GRID1: variants seen among roughly 807,000 people sequenced by gnomAD.
The protein encoded by GRID1 is glutamate ionotropic receptor delta type subunit 1, also known as glutamate receptor ionotropic, delta-1.
In GRID1, 28 loss-of-function variants were observed where a neutral mutation model predicts 98.0. That is an observed-to-expected ratio of 0.29 (90% CI 0.21 to 0.39). GRID1 has a LOEUF of 0.39. GRID1 is among the 10% of genes least tolerant of loss of function. The probability of loss-of-function intolerance (pLI) is 1.00; values close to 1 mark genes in which losing one functional copy is unlikely to be tolerated. For synonymous variants in GRID1, 553 were observed against 538.5 expected (o/e 1.03, Z -0.37); for missense variants, 1,111 against 1,340.5 (o/e 0.83, Z 2.67).
intron 14 of GRID1, among the ~76,000 whole-genome samples, chr10:85,618,102 G>T (rs1199304582): frequency 6.6e-6 from 1 of 152,188 alleles, no homozygotes; most frequent in Admixed American, 6.5e-5. Flanking sequence ...ACTCCATTCA[G>T]CAGTCCAGCC....
chr10:85,620,602 C>A (rs760422452), intron 13 of GRID1, among the ~76,000 whole-genome samples: 1 of 152,158 alleles, frequency 6.6e-6, no homozygotes, highest in African/African-American at 2.4e-5. Context: ...ATGTCTAGAG[C>A]CCCCTGTGCA....
At chr10:85,990,094 A>C (rs1202300690) in intron 4 of GRID1, among the ~76,000 whole-genome samples, 1 of 152,220 alleles carries the variant, frequency 6.6e-6, no homozygotes, top group Non-Finnish European at 1.5e-5. Context: ...GTAGTATATG[A>C]GCCACCAAGT....
chr10:85,704,155 T>A (rs555791111), intron 12 of GRID1, among the ~76,000 whole-genome samples: 6 of 152,238 alleles, frequency 3.9e-5, no homozygotes, highest in Admixed American at 2.6e-4. Context: ...AATGCTCCAA[T>A]TAAAAGACAC....
chr10:86,060,329 A>G (rs1181169732), intron 4 of GRID1, among the ~76,000 whole-genome samples: 2 of 152,168 alleles, frequency 1.3e-5, no homozygotes, highest in Non-Finnish European at 2.9e-5. Context: ...AGCACTTTCT[A>G]TTAGGAGATG....
chr10:86,264,290 A>G (rs1847068829), intron 2 of GRID1, among the ~76,000 whole-genome samples: 1 of 151,928 alleles, frequency 6.6e-6, no homozygotes, highest in South Asian at 2.1e-4. Flanking sequence ...GTTCTTTCCT[A>G]TCATCCTCTG....
At chr10:85,969,949 A>T (rs1772024241) in intron 4 of GRID1, among the ~76,000 whole-genome samples, 1 of 152,022 alleles carries the variant, frequency 6.6e-6, no homozygotes, top group Non-Finnish European at 1.5e-5. Flanking sequence ...ATTTAACTAG[A>T]TTTATCAATT....
Position 86,273,663 on chromosome 10 carries a change from G to C in GRID1, c.236-67015C>G, listed in dbSNP as rs796120390. 1.8e-3 allele frequency among the ~76,000 whole-genome samples: 276 copies of C among 152,246 alleles called. 1 individual carries two copies. The highest frequency in any genetic ancestry group is 6.8e-3 in the South Asian group (33 of 4,824). On this transcript the variant is annotated intron_variant, in intron 2 of 15. Transcript: ENST00000327946. ...TTGATTTGCATTTCTCTGATGGCCA[G>C]TGATGGTGAGCATTTTTTCATGTGT...
chr10:85,918,978 C>T (rs1841661988), intron 4 of GRID1, among the ~76,000 whole-genome samples: 1 of 152,244 alleles, frequency 6.6e-6, no homozygotes, highest in Non-Finnish European at 1.5e-5. Flanking sequence ...CCAGGCCCCA[C>T]TGCTAGGGAT....
chr10:85,881,430 C>A (rs535278512), intron 5 of GRID1, among the ~76,000 whole-genome samples: 1,826 of 151,940 alleles, frequency 0.012, 28 homozygotes, highest in Admixed American at 0.036. Context: ...ACAGAGATAG[C>A]GATCAATGGA....
chr10:85,606,259 T>G (rs527290548), intron 15 of GRID1: 1 of 152,356 alleles, frequency 6.6e-6, no homozygotes, highest in South Asian at 2.1e-4. Context: ...CATTCGCCTT[T>G]AAAGTCTCCG....
chr10:86,290,947 C>A (rs531234446), intron 2 of GRID1, among the ~76,000 whole-genome samples: 2 of 152,178 alleles, frequency 1.3e-5, no homozygotes, highest in Non-Finnish European at 2.9e-5. Flanking sequence ...GGAGAGGAAG[C>A]GGCCCAGGGC....
At chr10:86,191,948 T>C (rs1162570650) in intron 3 of GRID1, among the ~76,000 whole-genome samples, 1 of 151,976 alleles carries the variant, frequency 6.6e-6, no homozygotes, top group Non-Finnish European at 1.5e-5. Context: ...GAGGGAGTGA[T>C]GAGAGAAAGG....
At chr10:85,986,375 C>A (rs1842608824) in intron 4 of GRID1, among the ~76,000 whole-genome samples, 1 of 152,174 alleles carries the variant, frequency 6.6e-6, no homozygotes, top group South Asian at 2.1e-4. Flanking sequence ...GCAGTCAGTC[C>A]AAGAGGAAGA....
chr10:85,757,422 T>A (rs556641531), intron 8 of GRID1, among the ~76,000 whole-genome samples: 1 of 152,356 alleles, frequency 6.6e-6, no homozygotes, highest in Non-Finnish European at 1.5e-5. Flanking sequence ...AATTCTCCCA[T>A]CTGTCCATTC....
At chr10:86,110,128 A>G (rs1844456958) in intron 4 of GRID1, among the ~76,000 whole-genome samples, 1 of 151,864 alleles carries the variant, frequency 6.6e-6, no homozygotes, top group Non-Finnish European at 1.5e-5. Context: ...ACGTGCCACC[A>G]CGCCTGGCTA....
chr10:86,352,527 C>T (rs958073606), intron 2 of GRID1, among the ~76,000 whole-genome samples: 9 of 136,970 alleles, frequency 6.6e-5, no homozygotes, highest in Middle Eastern at 3.5e-3. Flanking sequence ...TGCCTTCTTG[C>T]TGCATCCTCA....
intron 2 of GRID1, among the ~76,000 whole-genome samples, chr10:86,313,817 C>A (rs371342504): frequency 2.3e-3 from 345 of 152,330 alleles, no homozygotes; most frequent in African/African-American, 8.1e-3. Flanking sequence ...GACTGGCGCT[C>A]CTGGTGGCTG....
At chr10:86,292,708 TGTGG>T (rs1388373233) in intron 2 of GRID1, among the ~76,000 whole-genome samples, 3 of 151,692 alleles carry the variant, frequency 2.0e-5, no homozygotes, top group African/African-American at 4.8e-5. Context: ...TGAGTGTGGA[TGTGG>T]GTGGGTGGGT....
chr10:86,201,190 GATAA>G (rs1310399206), intron 3 of GRID1, among the ~76,000 whole-genome samples: 3 of 152,138 alleles, frequency 2.0e-5, no homozygotes, highest in East Asian at 3.9e-4. Context: ...CAATAAAGTA[GATAA>G]ATAAATCAGG....
Sources: gnomAD v4.1 joint callset for allele counts (sites outside exome capture counted in the v4.1 genomes callset) on GRCh38, gnomAD v4.1.1 for gene constraint, MANE v1.5 for transcripts, NCBI Gene and HGNC (gene_info 2026-07-23, HGNC 2026-07-21) for gene names.